Variants in FAM135B observed in about 807,000 individuals in gnomAD.
FAM135B encodes the protein protein FAM135B.
FAM135B carries 43 observed loss-of-function variants against 127.7 expected under a neutral mutation model. That is an observed-to-expected ratio of 0.34 (90% CI 0.26 to 0.43). FAM135B has a LOEUF of 0.43. Ranked by LOEUF, FAM135B falls within the 20% of genes least tolerant of loss-of-function variation. The pLI, the probability that FAM135B is intolerant of heterozygous loss-of-function variation, is 1.00. For missense variants in FAM135B, 1,558 were observed against 1,725.6 expected (o/e 0.90, Z 1.72); for synonymous variants, 670 against 665.1 (o/e 1.01, Z -0.11).
intron 1 of FAM135B, among the ~76,000 whole-genome samples, chr8:138,377,041 T>C (rs1461383242): frequency 6.6e-6 from 1 of 152,256 alleles, no homozygotes; most frequent in Non-Finnish European, 1.5e-5. Context: ...ATATTAAAAC[T>C]GTTTTGAAGA....
chr8:138,286,666 C>T (rs1408334284), intron 3 of FAM135B, among the ~76,000 whole-genome samples: 3 of 152,218 alleles, frequency 2.0e-5, no homozygotes, highest in Admixed American at 2.0e-4. Flanking sequence ...AGAGGTGAGA[C>T]ACGTGGGGAA....
intron 2 of FAM135B, among the ~76,000 whole-genome samples, chr8:138,361,407 G>C (rs1325560943): frequency 6.6e-6 from 1 of 152,126 alleles, no homozygotes; most frequent in Non-Finnish European, 1.5e-5. Flanking sequence ...GAAGAAACAG[G>C]AAGTTCAATA....
intron 9 of FAM135B, among the ~76,000 whole-genome samples, chr8:138,186,948 C>T (rs1276593859): frequency 6.6e-6 from 1 of 152,190 alleles, no homozygotes; most frequent in Non-Finnish European, 1.5e-5. Flanking sequence ...AAGGAAGCCA[C>T]ATTTCTCTGT....
Position 138,497,212 on chromosome 8 carries a change from G to C in FAM135B, c.-561C>G, listed in dbSNP as rs1564044098. ...GAGAGCCCGCCCTGCTGCTCCCGCT[G>C]GCTCCGCTCCGCAGCCGCTGCGCAC... On this transcript the variant is annotated 5_prime_UTR_variant, in exon 1 of 20. Transcript: ENST00000395297. Among the ~76,000 whole-genome samples, 1 of 150,998 alleles carries C rather than the reference G, an allele frequency of 6.6e-6. No individual in the cohort carries two copies. The highest frequency in any genetic ancestry group is 2.1e-4 in the South Asian group (1 of 4,826).
At position 138,133,166 on chromosome 8, in the gene FAM135B, G is replaced by A. The variant is rs556560120; in HGVS notation, c.4016-368C>T. On this transcript the variant is annotated intron_variant, in intron 19 of 19. Coordinates refer to ENST00000395297, the MANE Select transcript of FAM135B (RefSeq NM_015912.4). ...TTCAAGTTCTATTTCAGGGGATCTT[G>A]GGGGTTGGAAACACAGCTCAATAGA... is the stretch of plus-strand genomic sequence containing the variant. Among the ~76,000 whole-genome samples the A allele has an allele frequency of 7.2e-5, 11 of 152,302 alleles. No individual in the cohort carries two copies. The East Asian group carries it at 1.7e-3, about 24-fold the overall frequency.
intron 13 of FAM135B, among the ~76,000 whole-genome samples, chr8:138,150,365 C>T (rs960745392): frequency 4.6e-5 from 7 of 152,098 alleles, no homozygotes; most frequent in South Asian, 2.1e-4. Flanking sequence ...TTATAATATT[C>T]GTAATAAAAA....
chr8:138,460,602 GA>G (rs1837064524), intron 1 of FAM135B, among the ~76,000 whole-genome samples: 1 of 152,176 alleles, frequency 6.6e-6, no homozygotes, highest in Non-Finnish European at 1.5e-5. Context: ...TTGGGGAAAA[GA>G]AGACAGTTAT....
chr8:138,377,021 G>T (rs1009302627), intron 1 of FAM135B, among the ~76,000 whole-genome samples: 12 of 152,164 alleles, frequency 7.9e-5, no homozygotes, highest in African/African-American at 2.7e-4. Context: ...CTCTGAGAAT[G>T]TTGGATAAAA....
At chr8:138,487,897 G>C (rs1350833667) in intron 1 of FAM135B, among the ~76,000 whole-genome samples, 1 of 152,058 alleles carries the variant, frequency 6.6e-6, no homozygotes, top group Non-Finnish European at 1.5e-5. Context: ...CCAGCTACTG[G>C]GGAGGCCGAG....
chr8:138,188,602 T>C (rs116602476), intron 9 of FAM135B, among the ~76,000 whole-genome samples: 6,076 of 152,288 alleles, frequency 0.04, 252 homozygotes, highest in African/African-American at 0.1. Context: ...GGAATGTGTT[T>C]CAGCTCCGTG....
intron 7 of FAM135B, among the ~76,000 whole-genome samples, chr8:138,225,964 C>T (rs1051442042): frequency 2.6e-5 from 4 of 151,866 alleles, no homozygotes; most frequent in Admixed American, 2.6e-4. Context: ...TCCATAGGGG[C>T]CTAGCAGAAC....
intron 1 of FAM135B, among the ~76,000 whole-genome samples, chr8:138,431,992 T>C (rs772988149): frequency 2.0e-5 from 3 of 152,174 alleles, no homozygotes; most frequent in Non-Finnish European, 4.4e-5. Flanking sequence ...GCCAGAAGTG[T>C]GTCATGTGTC....
intron 1 of FAM135B, among the ~76,000 whole-genome samples, chr8:138,446,225 T>C (rs1169057194): frequency 6.6e-5 from 10 of 152,096 alleles, no homozygotes; most frequent in African/African-American, 1.9e-4. Context: ...AATGGCCATA[T>C]TGCCCAAGGT....
At chr8:138,322,282 C>T (rs987678663) in intron 2 of FAM135B, among the ~76,000 whole-genome samples, 7 of 152,158 alleles carry the variant, frequency 4.6e-5, no homozygotes, top group Non-Finnish European at 1.0e-4. Flanking sequence ...CTGCCCCACA[C>T]CTGACAAGTG....
intron 12 of FAM135B, among the ~76,000 whole-genome samples, chr8:138,156,894 T>C (rs1245752704): frequency 6.6e-6 from 1 of 152,196 alleles, no homozygotes; most frequent in South Asian, 2.1e-4. Flanking sequence ...CCATTCCTTC[T>C]GAAACTATTC....
intron 3 of FAM135B, among the ~76,000 whole-genome samples, chr8:138,272,624 C>T (rs1328909919): frequency 1.3e-5 from 2 of 152,120 alleles, no homozygotes; most frequent in African/African-American, 4.8e-5. Context: ...TAGAATAAGC[C>T]CAGTAAGGCC....
In FAM135B at chr8:138,141,772, C is replaced by A. The variant is rs1169962309; in HGVS notation, c.3639-423G>T. Among the ~76,000 whole-genome samples, 1 of 152,176 alleles carries A rather than the reference C, an allele frequency of 6.6e-6. No individual in the cohort carries two copies. The highest frequency in any genetic ancestry group is 6.5e-5 in the Admixed American group (1 of 15,282). On this transcript the variant is annotated intron_variant, in intron 16 of 19. Coordinates refer to ENST00000395297, the MANE Select transcript of FAM135B (RefSeq NM_015912.4). The surrounding 1 kb of genome is among the most constrained non-coding windows in gnomAD (Gnocchi z 4.7). ...CGGATGGCCTCACAATGCCATTCAT[C>A]CTCTCCTTCACCCGCTGTGTATATA...
At chr8:138,279,909 C>T (rs1223586940) in intron 3 of FAM135B, among the ~76,000 whole-genome samples, 1 of 152,202 alleles carries the variant, frequency 6.6e-6, no homozygotes, top group Non-Finnish European at 1.5e-5. Flanking sequence ...CAAATGAGCA[C>T]TTGAGTGTTA....
At chr8:138,320,750 T>C (rs934072322) in intron 2 of FAM135B, among the ~76,000 whole-genome samples, 4 of 152,168 alleles carry the variant, frequency 2.6e-5, no homozygotes, top group Non-Finnish European at 4.4e-5. Flanking sequence ...ACTGATGTGG[T>C]TGGCATTCAA....
Sources: gnomAD v4.1 joint callset for allele counts (sites outside exome capture counted in the v4.1 genomes callset) on GRCh38, gnomAD v4.1.1 for gene constraint, Gnocchi (gnomAD v3.1) non-coding constraint, MANE v1.5 for transcripts, NCBI Gene and HGNC (gene_info 2026-07-23, HGNC 2026-07-21) for gene names.